Variants in CPQ observed in about 807,000 individuals in gnomAD.
CPQ encodes carboxypeptidase Q, also known as Ser-Met dipeptidase.
A neutral mutation model predicts 45.7 loss-of-function variants in CPQ; 37 were observed. That is an observed-to-expected ratio of 0.81 (90% CI 0.62 to 1.07). The LOEUF (loss-of-function observed/expected upper bound fraction) is 1.07. Among genes scored for constraint, CPQ ranks in the 50% least tolerant of loss-of-function variants. The pLI is 0.00. For missense variants in CPQ, 537 were observed against 572.9 expected (o/e 0.94, Z 0.64); for synonymous variants, 186 against 205.8 (o/e 0.90, Z 0.82).
intron 1 of CPQ, among the ~76,000 whole-genome samples, chr8:96,680,860 T>C (rs1333876058): frequency 6.6e-6 from 1 of 152,054 alleles, no homozygotes; most frequent in African/African-American, 2.4e-5. Context: ...TGGATGGAGA[T>C]GAGGAACTTG....
At chr8:96,672,704 G>A (rs1809020853) in intron 1 of CPQ, among the ~76,000 whole-genome samples, 1 of 151,896 alleles carries the variant, frequency 6.6e-6, no homozygotes, top group Non-Finnish European at 1.5e-5. Context: ...CTTTAACTTG[G>A]GAGGCAGAGG....
At position 96,785,307 on chromosome 8, in the gene CPQ, G is replaced by A; in HGVS notation, c.410G>A (p.Ser137Asn). 6.2e-7 allele frequency: 1 copy of A among 1,609,788 alleles called. No homozygotes were observed. Among genetic ancestry groups the A allele is most frequent in the Middle Eastern group, 1.7e-4 (1 of 6,026 alleles). ...IHKIAILGLG[S>N]SIGTPPEGIT... ...AAGATAGCCATCCTGGGTCTTGGCA[G>A]CAGCATTGGGACTCCTCCAGAAGGT... is the stretch of plus-strand genomic sequence containing the variant. The change falls in exon 2 of 8, where the codon AGC becomes AAC. Residue 137 changes from serine (S) to asparagine (N), a missense_variant. Coordinates refer to ENST00000220763, the MANE Select transcript of CPQ (RefSeq NM_016134.4).
At chr8:96,801,615 C>G (rs1464924561) in intron 2 of CPQ, among the ~76,000 whole-genome samples, 2 of 152,126 alleles carry the variant, frequency 1.3e-5, no homozygotes, top group African/African-American at 4.8e-5. Flanking sequence ...TAGTCCCTAG[C>G]ATGGTGATAA....
At chr8:96,814,974 C>T (rs1811207306) in intron 2 of CPQ, among the ~76,000 whole-genome samples, 1 of 152,040 alleles carries the variant, frequency 6.6e-6, no homozygotes, top group African/African-American at 2.4e-5. Context: ...ATAGAAAGTA[C>T]ATTGGTAGTT....
chr8:96,970,557 C>T (rs1466500859), intron 5 of CPQ, among the ~76,000 whole-genome samples: 1 of 151,596 alleles, frequency 6.6e-6, no homozygotes, highest in Non-Finnish European at 1.5e-5. Context: ...GACGCCATGC[C>T]CAACACTCTT....
At chr8:97,109,630 A>T (rs1811466546) in intron 7 of CPQ, among the ~76,000 whole-genome samples, 1 of 151,906 alleles carries the variant, frequency 6.6e-6, no homozygotes, top group Non-Finnish European at 1.5e-5. Context: ...GCCTGCAAAC[A>T]TGCTACACAC....
chr8:97,121,629 A>G (rs1811703982), intron 7 of CPQ, among the ~76,000 whole-genome samples: 2 of 152,198 alleles, frequency 1.3e-5, no homozygotes, highest in Admixed American at 1.3e-4. Context: ...ATCAAAAATT[A>G]CTAGACATGT....
intron 7 of CPQ, among the ~76,000 whole-genome samples, chr8:97,085,898 C>T (rs1449125459): frequency 6.6e-6 from 1 of 152,136 alleles, no homozygotes; most frequent in Non-Finnish European, 1.5e-5. Flanking sequence ...CTTAATTATC[C>T]TTAATACATA....
At chr8:96,902,451 C>T (rs1273993727) in intron 4 of CPQ, among the ~76,000 whole-genome samples, 1 of 152,148 alleles carries the variant, frequency 6.6e-6, no homozygotes, top group Non-Finnish European at 1.5e-5. Context: ...ACTTATTTCT[C>T]ATGTACCTGT....
At position 96,880,108 on chromosome 8, in the gene CPQ, C is replaced by T. The variant is rs1586436217; in HGVS notation, c.849+103C>T. ...GAGAACGTGAAACCACCTAGATGGT[C>T]CTCATAGATTCGTTGAAGGCAGAAG... On this transcript the variant is annotated intron_variant, in intron 4 of 7. Transcript: ENST00000220763. 3.1e-6 allele frequency: 3 copies of T among 968,756 alleles called. No homozygotes were observed. The Admixed American group carries it at 6.8e-5, about 22-fold the overall frequency. The allele number at this position is 968,756 out of a possible 1,614,324, so 60.0% of individuals were successfully genotyped here.
chr8:96,695,171 G>C lies in CPQ; in HGVS notation c.-35+49769G>C, dbSNP rs527812994. On this transcript the variant is annotated intron_variant, in intron 1 of 7. Coordinates refer to ENST00000220763, the MANE Select transcript of CPQ (RefSeq NM_016134.4). Reference sequence around the variant, plus strand: ...ACTATCTGATCTTTGACAAACCTGAGAAAAACAAGCAATGGGGAAAGGATT... The same window carrying C: ...ACTATCTGATCTTTGACAAACCTGACAAAAACAAGCAATGGGGAAAGGATT... Among the ~76,000 whole-genome samples, 707 of 149,614 alleles carry C rather than the reference G, an allele frequency of 4.7e-3. 6 individuals carry two copies. The highest frequency in any genetic ancestry group is 0.017 in the African/African-American group (675 of 40,398).
chr8:97,013,296 C>CAAT lies in CPQ; in HGVS notation c.962-16090_962-16088dup, dbSNP rs748517315. Among the ~76,000 whole-genome samples the CAAT allele has an allele frequency of 3.0e-4, 45 of 151,754 alleles. No individual in the cohort carries two copies. The East Asian group carries it at 4.3e-3, about 14-fold the overall frequency. ...CTCCATCTCAAAAAACAAGTAATAA[C>CAAT]AATAATAATAATAATAATATTAATG... On this transcript the variant is annotated intron_variant, in intron 5 of 7. Coordinates refer to ENST00000220763, the MANE Select transcript of CPQ (RefSeq NM_016134.4).
At chr8:96,842,027 TAAGA>T (rs1388081173) in intron 3 of CPQ, among the ~76,000 whole-genome samples, 1 of 152,200 alleles carries the variant, frequency 6.6e-6, no homozygotes, top group Non-Finnish European at 1.5e-5. Context: ...TTCTTCATGT[TAAGA>T]AAGCATCTTG....
intron 5 of CPQ, among the ~76,000 whole-genome samples, chr8:96,989,629 ACACC>A (rs1233230335): frequency 1.3e-5 from 2 of 152,164 alleles, no homozygotes; most frequent in African/African-American, 2.4e-5. Context: ...CTAACATCAA[ACACC>A]CAGACTTCCT....
At chr8:97,100,890 A>G (rs1441868359) in intron 7 of CPQ, among the ~76,000 whole-genome samples, 2 of 152,190 alleles carry the variant, frequency 1.3e-5, no homozygotes, top group East Asian at 1.9e-4. Context: ...AGTACAAGGG[A>G]AAAAATTATT....
chr8:96,771,139 A>G (rs950379591), intron 1 of CPQ, among the ~76,000 whole-genome samples: 15 of 147,642 alleles, frequency 1.0e-4, no homozygotes, highest in Admixed American at 7.5e-4. Context: ...GTTTATAAAT[A>G]TATAAATATA....
intron 4 of CPQ, among the ~76,000 whole-genome samples, chr8:96,916,071 T>A (rs1812728791): frequency 6.6e-6 from 1 of 152,150 alleles, no homozygotes; most frequent in Non-Finnish European, 1.5e-5. Context: ...AGGCAGGATA[T>A]CCTGCTGCTT....
intron 1 of CPQ, among the ~76,000 whole-genome samples, chr8:96,656,080 C>A (rs1815634288): frequency 6.6e-6 from 1 of 152,160 alleles, no homozygotes; most frequent in Non-Finnish European, 1.5e-5. Flanking sequence ...TCTTGAACTC[C>A]TGGGCTCAAG....
intron 5 of CPQ, among the ~76,000 whole-genome samples, chr8:97,007,138 A>T (rs1328962593): frequency 6.6e-6 from 1 of 152,236 alleles, no homozygotes; most frequent in Admixed American, 6.5e-5. Context: ...AACTCTAAGC[A>T]GGTCTCCAAT....
Sources: allele counts gnomAD v4.1 joint callset (sites outside exome capture counted in the v4.1 genomes callset), GRCh38; gene constraint gnomAD v4.1.1; transcripts MANE v1.5; gene names NCBI Gene and HGNC (gene_info 2026-07-23, HGNC 2026-07-21).